Variants in TMEM33 observed in about 807,000 individuals in gnomAD.
TMEM33 encodes the protein transmembrane protein 33.
Under a neutral mutation model 29.7 loss-of-function variants are expected in TMEM33, and 16 were observed. That is an observed-to-expected ratio of 0.54 (90% CI 0.36 to 0.82). The LOEUF (loss-of-function observed/expected upper bound fraction) is 0.82. TMEM33 is among the 40% of genes least tolerant of loss of function. The pLI is 0.00. For synonymous variants in TMEM33, 112 were observed against 109.4 expected (o/e 1.02, Z -0.15); for missense variants, 252 against 295.3 (o/e 0.85, Z 1.08).
intron 3 of TMEM33, among the ~76,000 whole-genome samples, chr4:41,941,816 G>A (rs1452603495): frequency 5.3e-5 from 8 of 152,172 alleles, no homozygotes. Flanking sequence ...TTATAAAAGT[G>A]ATATTTTGTC....
At chr4:41,942,208 G>C (rs1201138011) in intron 3 of TMEM33, among the ~76,000 whole-genome samples, 1 of 152,180 alleles carries the variant, frequency 6.6e-6, no homozygotes, top group African/African-American at 2.4e-5. Context: ...GTGACTTTTG[G>C]AGAGGGTTGT....
Position 41,944,897 on chromosome 4 carries a change from G to A in TMEM33, c.501G>A (p.Leu167=). Residue 167 remains leucine (L), a synonymous_variant, in exon 5 of 7, where the codon CTG becomes CTA. Coordinates refer to ENST00000504986, the MANE Select transcript of TMEM33 (RefSeq NM_018126.3). ...TCATTGCTTGCAATGAAATATTCCT[G>A]ATGCCTGCGACAGTTTTTATGCTTT... ...LKFIACNEIF[L]MPATVFMLFS... 1 of 1,613,018 alleles carries A rather than the reference G, an allele frequency of 6.2e-7. No individual in the cohort carries two copies. The highest frequency in any genetic ancestry group is 8.5e-7 in the Non-Finnish European group (1 of 1,179,754).
intron 3 of TMEM33, 127 bp downstream of exon 3, chr4:41,939,510 A>C (rs1201408802): frequency 1.1e-6 from 1 of 946,686 alleles, no homozygotes; most frequent in East Asian, 2.6e-5. Context: ...ATTTGAATGA[A>C]GATATGTTTA....
At chr4:41,937,048 T>G (rs1031709432) in intron 1 of TMEM33, among the ~76,000 whole-genome samples, 1 of 150,332 alleles carries the variant, frequency 6.7e-6, no homozygotes, top group African/African-American at 2.5e-5. Context: ...CACCCAAAGA[T>G]CTAGTGATTT....
Position 41,960,263 on chromosome 4 carries a change from A to T in TMEM33, c.*6064A>T, listed in dbSNP as rs1713418533. 1 of 152,174 alleles carries T rather than the reference A, an allele frequency of 6.6e-6. No individual in the cohort carries two copies. Among genetic ancestry groups the T allele is most frequent in the Admixed American group, 6.5e-5 (1 of 15,282 alleles). 9.4% of individuals were successfully genotyped at this position (152,174 alleles called of 1,614,324 possible). Reference sequence around the variant, plus strand: ...ATTGGATCACGATAGTAAATTATCCATGCTGGTACCTGTGAAAGTAAGCCC... The same window carrying T: ...ATTGGATCACGATAGTAAATTATCCTTGCTGGTACCTGTGAAAGTAAGCCC... On this transcript the variant is annotated 3_prime_UTR_variant, in exon 7 of 7. Transcript: ENST00000504986.
chr4:41,943,687 TA>T, intron 3 of TMEM33, 59 bp from the exon 4 acceptor site: 1 of 1,445,784 alleles, frequency 6.9e-7, no homozygotes. Context: ...ACATAATACA[TA>T]GTCTGTTTTG....
At chr4:41,953,703 G>A in intron 6 of TMEM33, 2 of 455,952 alleles carry the variant, frequency 4.4e-6, no homozygotes, top group South Asian at 3.1e-5. Context: ...CTGAGGAGAG[G>A]GAAAGAGACC....
At chr4:41,952,854 T>C (rs1376622272) in intron 6 of TMEM33, among the ~76,000 whole-genome samples, 25 of 152,136 alleles carry the variant, frequency 1.6e-4, no homozygotes. Context: ...AGAGGAAATC[T>C]CTGAGGGACA....
At chr4:41,936,569 T>A (rs1485870587) in intron 1 of TMEM33, among the ~76,000 whole-genome samples, 2 of 151,756 alleles carry the variant, frequency 1.3e-5, no homozygotes, top group Non-Finnish European at 2.9e-5. Flanking sequence ...CAAACAAACA[T>A]AAATTAGCCG....
chr4:41,936,717 A>G (rs1472998181), intron 1 of TMEM33, among the ~76,000 whole-genome samples: 4 of 152,298 alleles, frequency 2.6e-5, no homozygotes, highest in East Asian at 3.9e-4. Flanking sequence ...TTTACTGGCC[A>G]TATCTTGTTT....
chr4:41,937,373 A>G (rs1489231324), intron 1 of TMEM33, among the ~76,000 whole-genome samples: 1 of 152,244 alleles, frequency 6.6e-6, no homozygotes, highest in Non-Finnish European at 1.5e-5. Flanking sequence ...GTCTGGATTT[A>G]ATGATAAATC....
intron 6 of TMEM33, chr4:41,953,611 C>T: frequency 1.2e-5 from 4 of 338,100 alleles, no homozygotes; most frequent in South Asian, 9.1e-5. Flanking sequence ...TGGGAGGCCT[C>T]CTTTCACCTG....
In TMEM33 at chr4:41,938,636, T is replaced by C. The variant is rs1281327920; in HGVS notation, c.80T>C (p.Met27Thr). 3 of 1,614,152 alleles carry C rather than the reference T, an allele frequency of 1.9e-6. No individual in the cohort carries two copies. Among genetic ancestry groups the C allele is most frequent in the African/African-American group, 2.7e-5 (2 of 75,072 alleles). The change falls in exon 2 of 7, where the codon ATG (methionine) becomes ACG (threonine). Residue 27 changes from methionine (M) to threonine (T), a missense_variant. By Grantham distance (81) the Met-to-Thr change is moderately conservative. Coordinates refer to ENST00000504986, the MANE Select transcript of TMEM33 (RefSeq NM_018126.3). ...FMMTNKLDTA[M>T]WLSRLFTVYC... Reference sequence around the variant, plus strand: ...ATGACCAATAAACTGGACACGGCAATGTGGCTTTCTCGCTTGTTCACAGTT... The same window carrying C: ...ATGACCAATAAACTGGACACGGCAACGTGGCTTTCTCGCTTGTTCACAGTT...
rs774113854 is a variant in TMEM33 at position 41,954,400 on chromosome 4, G to A, written c.*201G>A. On this transcript the variant is annotated 3_prime_UTR_variant, in exon 7 of 7. Transcript: ENST00000504986. Reference sequence around the variant, plus strand: ...AGTTTTGAGAAAATTTTACTGCGCTGTGTTGCTAATGGTTAAAGAAGTCTG... The same window carrying A: ...AGTTTTGAGAAAATTTTACTGCGCTATGTTGCTAATGGTTAAAGAAGTCTG... 5 of 478,344 alleles carry A rather than the reference G, an allele frequency of 1.0e-5. No individual in the cohort carries two copies. The East Asian group carries it at 1.1e-4, about 11-fold the overall frequency. The allele number at this position is 478,344 out of a possible 1,614,324, so 29.6% of individuals were successfully genotyped here. A position where few individuals can be genotyped will look rare whatever the true frequency, so the allele number is the denominator to read the frequency against.
At chr4:41,940,179 G>A (rs1712468476) in intron 3 of TMEM33, among the ~76,000 whole-genome samples, 3 of 150,788 alleles carry the variant, frequency 2.0e-5, no homozygotes, top group African/African-American at 7.4e-5. Context: ...TTTTAAATAG[G>A]GTTCTTTACT....
In TMEM33 at chr4:41,954,252, A is replaced by G. The variant is rs1282731774; in HGVS notation, c.*53A>G. ...AGTATAAGCATTATTAGCAGCTGGTACTTCTGCTAGGGGTTGTAAATTCCA... is the reference window on the plus strand; with the variant it reads ...AGTATAAGCATTATTAGCAGCTGGTGCTTCTGCTAGGGGTTGTAAATTCCA... On this transcript the variant is annotated 3_prime_UTR_variant, in exon 7 of 7. Transcript: ENST00000504986. 1 of 1,585,978 alleles carries G rather than the reference A, an allele frequency of 6.3e-7. No homozygotes were observed. Among genetic ancestry groups the G allele is most frequent in the Admixed American group, 1.7e-5 (1 of 58,858 alleles).
intron 1 of TMEM33, among the ~76,000 whole-genome samples, chr4:41,937,635 CA>C (rs1343090459): frequency 6.6e-6 from 1 of 151,898 alleles, no homozygotes; most frequent in Non-Finnish European, 1.5e-5. Flanking sequence ...TGTCAAAATC[CA>C]TTATATACAG....
At chr4:41,935,868 C>CAGG (rs1712206074) in intron 1 of TMEM33, among the ~76,000 whole-genome samples, 1 of 152,210 alleles carries the variant, frequency 6.6e-6, no homozygotes, top group African/African-American at 2.4e-5. Context: ...CCATGACACA[C>CAGG]ATGATCCATG....
chr4:41,947,512 C>T (rs1438127385), intron 5 of TMEM33, among the ~76,000 whole-genome samples: 1 of 152,044 alleles, frequency 6.6e-6, no homozygotes, highest in Non-Finnish European at 1.5e-5. Context: ...TTAATTTAAA[C>T]ATTTATTTGT....
Sources: allele counts gnomAD v4.1 joint callset (sites outside exome capture counted in the v4.1 genomes callset), GRCh38; gene constraint gnomAD v4.1.1; transcripts MANE v1.5; gene names NCBI Gene and HGNC (gene_info 2026-07-23, HGNC 2026-07-21).